CRMP1: variants seen among roughly 807,000 people sequenced by gnomAD.
CRMP1 encodes the protein dihydropyrimidinase-related protein 1.
CRMP1 carries 19 observed loss-of-function variants against 68.3 expected under a neutral mutation model. The ratio of observed to expected loss-of-function variants is 0.28; its 90% CI spans 0.19 to 0.41. The LOEUF is 0.41. Among genes scored for constraint, CRMP1 ranks in the 10% least tolerant of loss-of-function variants. The pLI, the probability that CRMP1 is intolerant of heterozygous loss-of-function variation, is 1.00. For synonymous variants in CRMP1, 439 were observed against 399.6 expected (o/e 1.10, Z -1.18); for missense variants, 791 against 967.4 (o/e 0.82, Z 2.42).
rs1044824890 is a variant in CRMP1 at position 5,853,970 on chromosome 4, G to A, written c.820+2173C>T. ...CCTGCTGGTGACCCAGCCCAGATGC[G>A]CACAGCACAGGGCTCCCTGGATGCC... On this transcript the variant is annotated intron_variant, in intron 4 of 13. Transcript: ENST00000324989. The surrounding 1 kb of genome is among the most constrained non-coding windows in gnomAD (Gnocchi z 4.7). Among the ~76,000 whole-genome samples, 3 of 152,222 alleles carry A rather than the reference G, an allele frequency of 2.0e-5. No individual in the cohort carries two copies. Among genetic ancestry groups the A allele is most frequent in the Non-Finnish European group, 4.4e-5 (3 of 68,044 alleles).
At position 5,834,987 on chromosome 4, in the gene CRMP1, C is replaced by T. The variant is rs532753685; in HGVS notation, c.1623+928G>A. ...TGGCCGTGAGCTGCTACAAGTGTTT[C>T]CTGTGGCTTTCTTATGAAACTTCCT... On this transcript the variant is annotated intron_variant, in intron 11 of 13. Transcript: ENST00000324989. The surrounding 1 kb of genome is among the most constrained non-coding windows in gnomAD (Gnocchi z 4.3). 2.6e-5 allele frequency among the ~76,000 whole-genome samples: 4 copies of T among 152,300 alleles called. No homozygotes were observed. The East Asian group carries it at 5.8e-4, about 22-fold the overall frequency.
rs541890575 is a variant in CRMP1 at position 5,856,765 on chromosome 4, TATC to T, written c.656-461_656-459del. ...CTATCATCACCTCCACCACCATCACTATCATCATCATTACCATCAGCACCATCA... is the reference window on the plus strand; with the variant it reads ...CTATCATCACCTCCACCACCATCACTATCATCATTACCATCAGCACCATCA... On this transcript the variant is annotated intron_variant, in intron 3 of 13. Transcript: ENST00000324989. Among the ~76,000 whole-genome samples the T allele has an allele frequency of 3.9e-3, 573 of 145,506 alleles. 2 individuals are homozygous for T. Among genetic ancestry groups the T allele is most frequent in the Non-Finnish European group, 5.0e-3 (335 of 66,404 alleles).
rs1273151577 is a variant in CRMP1, at chr4:5,821,718, A to T, written c.*42T>A. The T allele has an allele frequency of 6.5e-7, 1 of 1,538,872 alleles. No homozygotes were observed. Among genetic ancestry groups the T allele is most frequent in the South Asian group, 1.2e-5 (1 of 84,694 alleles). On this transcript the variant is annotated 3_prime_UTR_variant, in exon 14 of 14. Coordinates refer to ENST00000324989, the MANE Select transcript of CRMP1 (RefSeq NM_001014809.3). This position sits in a 1 kb window ranked among gnomAD's most constrained non-coding sequence, Gnocchi z 4.4. ...ACTGACAGGAAAAGGGATGGACATG[A>T]TTCCCAGAATCCTTCAGGCTAGCTC...
At chr4:5,824,889 A>C in intron 13 of CRMP1, 1 of 985,372 alleles carries the variant, frequency 1.0e-6, no homozygotes, top group Middle Eastern at 5.2e-4. Context: ...CTGCCCTGAG[A>C]CCTTAAGAAA....
rs539857901 is a variant in CRMP1, at chr4:5,877,801, C to T, written c.382-11045G>A. ...TATAAGTGCACAATTTCAGGTCCCA[C>T]TGTACCAGCAGACTTTCAGGGAGCA... On this transcript the variant is annotated intron_variant, in intron 1 of 13. Transcript: ENST00000324989. The surrounding 1 kb of genome is among the most constrained non-coding windows in gnomAD (Gnocchi z 4.3). 3.9e-5 allele frequency among the ~76,000 whole-genome samples: 6 copies of T among 152,314 alleles called. No individual in the cohort carries two copies. The South Asian group carries it at 6.2e-4, about 16-fold the overall frequency.
At position 5,888,132 on chromosome 4, in the gene CRMP1, C is replaced by T. The variant is rs1715732133; in HGVS notation, c.381+4457G>A. The T allele has an allele frequency of 1.6e-6, 2 of 1,217,196 alleles. No homozygotes were observed. Among genetic ancestry groups the T allele is most frequent in the East Asian group, 6.5e-5 (2 of 30,738 alleles). 75.4% of individuals were successfully genotyped at this position (1,217,196 alleles called of 1,614,324 possible). A position where few individuals can be genotyped will look rare whatever the true frequency, so the allele number is the denominator to read the frequency against. On this transcript the variant is annotated intron_variant, in intron 1 of 13. Transcript: ENST00000324989. This position sits in a 1 kb window ranked among gnomAD's most constrained non-coding sequence, Gnocchi z 6.4. Reference sequence around the variant, plus strand: ...CGGCGACGCAGGAGGCCTCGGGGGGCGCCCCTGCCGGCGCCCCGTGGATCT... The same window carrying T: ...CGGCGACGCAGGAGGCCTCGGGGGGTGCCCCTGCCGGCGCCCCGTGGATCT...
Position 5,892,887 on chromosome 4 carries a change from G to T in CRMP1, c.83C>A (p.Pro28Gln). 1 of 1,408,746 alleles carries T rather than the reference G, an allele frequency of 7.1e-7. No homozygotes were observed. The highest frequency in any genetic ancestry group is 3.2e-5 in the East Asian group (1 of 30,814). 87.3% of individuals were successfully genotyped at this position (1,408,746 alleles called of 1,614,324 possible). A position where few individuals can be genotyped will look rare whatever the true frequency, so the allele number is the denominator to read the frequency against. The change falls in exon 1 of 14, where the codon CCG (proline) becomes CAG (glutamine). Residue 28 changes from proline to glutamine, a missense_variant. Transcript: ENST00000324989. The surrounding 1 kb of genome is among the most constrained non-coding windows in gnomAD (Gnocchi z 8.6). Reference protein sequence around the residue: ...LARPGSAAQTPRQKYGGMFAA... With the variant: ...LARPGSAAQTQRQKYGGMFAA... The stretch of plus-strand genomic sequence containing the variant: ...GAACATGCCGCCGTACTTCTGGCGC[G>T]GGGTCTGCGCCGCGCTGCCCGGCCG...
At chr4:5,874,957 G>A (rs1035523171) in intron 1 of CRMP1, among the ~76,000 whole-genome samples, 4 of 152,224 alleles carry the variant, frequency 2.6e-5, no homozygotes, top group Non-Finnish European at 5.9e-5. Flanking sequence ...CTGCTGGGCT[G>A]CATTCCTGTC....
intron 6 of CRMP1, among the ~76,000 whole-genome samples, chr4:5,845,077 T>C (rs1712091097): frequency 6.6e-6 from 1 of 152,206 alleles, no homozygotes; most frequent in Non-Finnish European, 1.5e-5. Context: ...CGCCTCGGAT[T>C]GAGCAAATGG....
Position 5,883,570 on chromosome 4 carries a change from G to A in CRMP1, c.381+9019C>T, listed in dbSNP as rs975407434. Reference sequence around the variant, plus strand: ...CCCACCTTGGCCTCCCAAAGTGCTGGGATTACAGGCACCCTTTAGTCTTTC... The same window carrying A: ...CCCACCTTGGCCTCCCAAAGTGCTGAGATTACAGGCACCCTTTAGTCTTTC... On this transcript the variant is annotated intron_variant, in intron 1 of 13. Coordinates refer to ENST00000324989, the MANE Select transcript of CRMP1 (RefSeq NM_001014809.3). This position sits in a 1 kb window ranked among gnomAD's most constrained non-coding sequence, Gnocchi z 4.5. Among the ~76,000 whole-genome samples, 4 of 151,930 alleles carry A rather than the reference G, an allele frequency of 2.6e-5. No homozygotes were observed. The highest frequency in any genetic ancestry group is 7.3e-5 in the African/African-American group (3 of 41,316).
chr4:5,837,878 C>A (rs76429293), intron 9 of CRMP1, among the ~76,000 whole-genome samples: 2,180 of 152,082 alleles, frequency 0.014, 64 homozygotes, highest in African/African-American at 0.05. Context: ...GTGCCCGGTA[C>A]AATTTAAGGA....
At chr4:5,869,487 C>A (rs191817008) in intron 1 of CRMP1, among the ~76,000 whole-genome samples, 2 of 151,534 alleles carry the variant, frequency 1.3e-5, no homozygotes, top group East Asian at 2.0e-4. Flanking sequence ...TCGAGACCAT[C>A]CTGGCTAACA....
intron 1 of CRMP1, among the ~76,000 whole-genome samples, chr4:5,868,261 C>CTATCTATCTATATATATATA (rs1210674102): frequency 9.0e-6 from 1 of 111,470 alleles, no homozygotes; most frequent in Non-Finnish European, 1.8e-5. Context: ...GACTATATAT[C>CTATCTATCTATATATATATA]TATATATATA....
Position 5,877,686 on chromosome 4 carries a change from C to A in CRMP1, c.382-10930G>T, listed in dbSNP as rs1452650929. 6.6e-6 allele frequency among the ~76,000 whole-genome samples: 1 copy of A among 152,186 alleles called. No individual in the cohort carries two copies. Among genetic ancestry groups the A allele is most frequent in the African/African-American group, 2.4e-5 (1 of 41,442 alleles). On this transcript the variant is annotated intron_variant, in intron 1 of 13. Coordinates refer to ENST00000324989, the MANE Select transcript of CRMP1 (RefSeq NM_001014809.3). This position sits in a 1 kb window ranked among gnomAD's most constrained non-coding sequence, Gnocchi z 4.3. Reference sequence around the variant, plus strand: ...GGTAGGGGACAGGGCGGCTTTCCCCCTTTCATGAATGGGAGATACAGGTAG... The same window carrying A: ...GGTAGGGGACAGGGCGGCTTTCCCCATTTCATGAATGGGAGATACAGGTAG...
intron 11 of CRMP1, among the ~76,000 whole-genome samples, chr4:5,831,391 T>C (rs1161451813): frequency 6.6e-6 from 1 of 152,204 alleles, no homozygotes; most frequent in Non-Finnish European, 1.5e-5. Flanking sequence ...GGTGCATTCT[T>C]GGGGGTTCCA....
Position 5,861,000 on chromosome 4 carries a change from C to T in CRMP1, c.655+26G>A. On this transcript the variant is annotated intron_variant, in intron 3 of 13. Transcript: ENST00000324989. This position sits in a 1 kb window ranked among gnomAD's most constrained non-coding sequence, Gnocchi z 4.2. Reference sequence around the variant, plus strand: ...GGAGGAGACCTCACAGTCTATGTCCCTAAGGCAGGGGACAGTGTCACTCAC... The same window carrying T: ...GGAGGAGACCTCACAGTCTATGTCCTTAAGGCAGGGGACAGTGTCACTCAC... 6.2e-7 allele frequency: 1 copy of T among 1,610,566 alleles called. No homozygotes were observed. Among genetic ancestry groups the T allele is most frequent in the Non-Finnish European group, 8.5e-7 (1 of 1,178,544 alleles).
intron 1 of CRMP1, among the ~76,000 whole-genome samples, chr4:5,867,019 A>G (rs954764904): frequency 1.3e-5 from 2 of 152,054 alleles, no homozygotes; most frequent in African/African-American, 4.8e-5. Flanking sequence ...TCCACCTATA[A>G]ATACTTCACT....
At chr4:5,849,984 T>C (rs1244298222) in intron 5 of CRMP1, among the ~76,000 whole-genome samples, 1 of 152,212 alleles carries the variant, frequency 6.6e-6, no homozygotes, top group Non-Finnish European at 1.5e-5. Context: ...ACCAGCTCTC[T>C]AATAACTCCA....
intron 8 of CRMP1, among the ~76,000 whole-genome samples, chr4:5,840,581 TGGC>T (rs1711648324): frequency 6.6e-6 from 1 of 152,240 alleles, no homozygotes; most frequent in Non-Finnish European, 1.5e-5. Context: ...CGGCCACATG[TGGC>T]TGTTAAGCTG....
Sources: allele counts gnomAD v4.1 joint callset (sites outside exome capture counted in the v4.1 genomes callset), GRCh38; gene constraint gnomAD v4.1.1; non-coding constraint Gnocchi (gnomAD v3.1); transcripts MANE v1.5; gene names NCBI Gene and HGNC (gene_info 2026-07-23, HGNC 2026-07-21).